Variants in TDP2 observed in about 807,000 individuals in gnomAD.
The protein encoded by TDP2 is 5'-Tyr-DNA phosphodiesterase.
A neutral mutation model predicts 42.8 loss-of-function variants in TDP2; 38 were observed. That is an observed-to-expected ratio of 0.89 (90% CI 0.68 to 1.16). TDP2 has a LOEUF of 1.16. TDP2 is among the 50% of genes most tolerant of loss of function. The pLI, the probability that TDP2 is intolerant of heterozygous loss-of-function variation, is 0.00. For synonymous variants in TDP2, 173 were observed against 150.6 expected (o/e 1.15, Z -1.09); for missense variants, 439 against 439.3 (o/e 1.00, Z 0.01).
At chr6:24,666,081 T>A in intron 2 of TDP2, 1 of 1,533,944 alleles carries the variant, frequency 6.5e-7, no homozygotes, top group South Asian at 1.2e-5. Context: ...ATAACAGGAG[T>A]AGGTGTGCAT....
rs141254628 is a variant in TDP2 at position 24,666,106 on chromosome 6, A to G, written c.251+420T>C. On this transcript the variant is annotated intron_variant, in intron 2 of 6. Coordinates refer to ENST00000378198, the MANE Select transcript of TDP2 (RefSeq NM_016614.3). ...TAGGTGTGCATTAAAAAAAAATAAC[A>G]ACAACAACAAACCTGTTATTCTGGC... The G allele has an allele frequency of 9.2e-4, 1,419 of 1,544,142 alleles. 11 individuals are homozygous for G. The African/African-American group carries it at 0.014, about 15-fold the overall frequency.
chr6:24,658,143 T>C (rs771116075), intron 3 of TDP2, among the ~76,000 whole-genome samples: 2 of 152,232 alleles, frequency 1.3e-5, no homozygotes, highest in African/African-American at 4.8e-5. Context: ...AACCGCCATA[T>C]TGAGAGACTT....
chr6:24,656,338 C>T (rs1456787690), intron 4 of TDP2, among the ~76,000 whole-genome samples: 2 of 151,478 alleles, frequency 1.3e-5, no homozygotes, highest in East Asian at 1.9e-4. Flanking sequence ...GGAGATCCAC[C>T]GTTTAACAGA....
intron 2 of TDP2, 31 bp downstream of exon 2, chr6:24,666,495 C>CGGACT: frequency 6.2e-7 from 1 of 1,605,618 alleles, no homozygotes; most frequent in African/African-American, 1.3e-5. Flanking sequence ...TGCCTCCGTG[C>CGGACT]GGACTGGCTC....
intron 2 of TDP2, among the ~76,000 whole-genome samples, chr6:24,662,912 C>A (rs912998553): frequency 6.6e-6 from 1 of 152,162 alleles, no homozygotes; most frequent in Non-Finnish European, 1.5e-5. Flanking sequence ...TCTGTCAAAT[C>A]TTCTGTTTCA....
chr6:24,651,213 G>C lies in TDP2; in HGVS notation c.808-144C>G, dbSNP rs1327752696. ...AAAACAATGAGATACATTATAAAAA[G>C]TACTATGCTGCATAGTGGTATGTAA... On this transcript the variant is annotated intron_variant, in intron 6 of 6. Transcript: ENST00000378198. 3 of 685,728 alleles carry C rather than the reference G, an allele frequency of 4.4e-6. No individual in the cohort carries two copies. The African/African-American group carries it at 5.4e-5, about 12-fold the overall frequency. The allele number at this position is 685,728 out of a possible 1,614,324, so 42.5% of individuals were successfully genotyped here.
chr6:24,654,354 AC>A, intron 5 of TDP2, 57 bp downstream of exon 5: 1 of 932,384 alleles, frequency 1.1e-6, no homozygotes, highest in Non-Finnish European at 1.6e-6. Flanking sequence ...GAATAATAAC[AC>A]AAAACTATGA....
chr6:24,658,721 T>C lies in TDP2; in HGVS notation c.265A>G (p.Asn89Asp), dbSNP rs1436699320. Residue 89 changes from asparagine to aspartate, a missense_variant, in exon 3 of 7, where the codon AAT becomes GAT. Asn to Asp is a conservative substitution (Grantham distance 23, BLOSUM62 1). Coordinates refer to ENST00000378198, the MANE Select transcript of TDP2 (RefSeq NM_016614.3). ...SEPKTYVDLTNEETTDSTTSK... is the reference protein window; with the variant it reads ...SEPKTYVDLTDEETTDSTTSK... ...GTGGTGGAATCAGTTGTTTCTTCAT[T>C]GGTTAGGTCAACACTGGCAAGATCA... The C allele has an allele frequency of 8.1e-6, 13 of 1,613,592 alleles. No individual in the cohort carries two copies. The highest frequency in any genetic ancestry group is 2.7e-5 in the African/African-American group (2 of 74,908).
At chr6:24,664,433 T>C (rs13212011) in intron 2 of TDP2, among the ~76,000 whole-genome samples, 293 of 151,934 alleles carry the variant, frequency 1.9e-3, no homozygotes, top group Non-Finnish European at 3.2e-3. Context: ...AATTCCAATA[T>C]GCAGCTAAGA....
intron 6 of TDP2, among the ~76,000 whole-genome samples, chr6:24,652,019 T>C (rs17243409): frequency 9.4e-4 from 143 of 152,338 alleles, no homozygotes; most frequent in Middle Eastern, 3.4e-3. Context: ...TAAACACCAA[T>C]TCACCATTCC....
chr6:24,652,330 G>C (rs1051241442), intron 6 of TDP2, among the ~76,000 whole-genome samples: 4 of 152,140 alleles, frequency 2.6e-5, no homozygotes, highest in African/African-American at 9.7e-5. Context: ...GAACATCCAT[G>C]GGTAGACAAA....
intron 6 of TDP2, among the ~76,000 whole-genome samples, chr6:24,651,430 CA>C (rs774487296): frequency 3.3e-5 from 5 of 152,178 alleles, no homozygotes; most frequent in Non-Finnish European, 5.9e-5. Flanking sequence ...CTTTAGTCTA[CA>C]ACTTCAGAAG....
At position 24,654,525 on chromosome 6, in the gene TDP2, C is replaced by T. The variant is rs1224824604; in HGVS notation, c.523G>A (p.Glu175Lys). Residue 175 changes from glutamate (E) to lysine (K), a missense_variant, in exon 5 of 7, where the codon GAA (glutamate) becomes AAA (lysine). Physicochemically the swap from Glu to Lys is moderately conservative, Grantham distance 56. Coordinates refer to ENST00000378198, the MANE Select transcript of TDP2 (RefSeq NM_016614.3). Reference sequence around the variant, plus strand: ...ATTATAGCTGTGAAATATCCTTCTTCATGACCTACAAATGTTTGTGGAAAA... The same window carrying T: ...ATTATAGCTGTGAAATATCCTTCTTTATGACCTACAAATGTTTGTGGAAAA... ...SSNYEIITGH[E>K]EGYFTAIMLK... 10 of 1,465,048 alleles carry T rather than the reference C, an allele frequency of 6.8e-6. No individual in the cohort carries two copies. Among genetic ancestry groups the T allele is most frequent in the Non-Finnish European group, 9.5e-6 (10 of 1,056,008 alleles). The allele number at this position is 1,465,048 out of a possible 1,614,324, so 90.8% of individuals were successfully genotyped here.
At chr6:24,663,095 G>C (rs762400802) in intron 2 of TDP2, among the ~76,000 whole-genome samples, 7 of 152,134 alleles carry the variant, frequency 4.6e-5, no homozygotes, top group Non-Finnish European at 1.0e-4. Context: ...TCAACAGGTG[G>C]ACTGTCATGG....
At chr6:24,653,709 T>G (rs1582420214) in intron 5 of TDP2, among the ~76,000 whole-genome samples, 1 of 152,178 alleles carries the variant, frequency 6.6e-6, no homozygotes, top group Non-Finnish European at 1.5e-5. Context: ...ATATTGGTCA[T>G]TCATGCTCTT....
chr6:24,660,007 T>C (rs966994919), intron 2 of TDP2, among the ~76,000 whole-genome samples: 4 of 152,214 alleles, frequency 2.6e-5, no homozygotes, highest in Non-Finnish European at 4.4e-5. Context: ...GACATATGAG[T>C]GGAGGGACAA....
At chr6:24,652,605 G>A (rs1777992301) in intron 6 of TDP2, among the ~76,000 whole-genome samples, 1 of 152,076 alleles carries the variant, frequency 6.6e-6, no homozygotes, top group Admixed American at 6.6e-5. Flanking sequence ...AAGAGAGTCA[G>A]GAACAATTAT....
rs142718615 is a variant in TDP2 at position 24,662,718 on chromosome 6, C to T, written c.251+3808G>A. On this transcript the variant is annotated intron_variant, in intron 2 of 6. Transcript: ENST00000378198. ...CTTCCTCTATACTTTGTCTCTCCGT[C>T]TTATTTATTTTCTCAGTCTCTCGTC... Among the ~76,000 whole-genome samples the T allele has an allele frequency of 6.4e-3, 976 of 152,322 alleles. 6 individuals are homozygous for T. Among genetic ancestry groups the T allele is most frequent in the Non-Finnish European group, 0.01 (693 of 68,040 alleles).
At chr6:24,659,371 A>C (rs997385703) in intron 2 of TDP2, among the ~76,000 whole-genome samples, 1 of 152,170 alleles carries the variant, frequency 6.6e-6, no homozygotes, top group Admixed American at 6.5e-5. Flanking sequence ...GTACCTCAAC[A>C]ACCTAGGGCA....
Sources: gnomAD v4.1 joint callset for allele counts (sites outside exome capture counted in the v4.1 genomes callset) on GRCh38, gnomAD v4.1.1 for gene constraint, MANE v1.5 for transcripts, NCBI Gene and HGNC (gene_info 2026-07-23, HGNC 2026-07-21) for gene names.